Variants in CACNB4 observed in about 807,000 individuals in gnomAD.
The protein encoded by CACNB4 is calcium voltage-gated channel auxiliary subunit beta 4, also known as voltage-dependent L-type calcium channel subunit beta-4.
CACNB4 carries 32 observed loss-of-function variants against 71.2 expected under a neutral mutation model. The observed-to-expected ratio is 0.45, with a 90% confidence interval of 0.34 to 0.60. CACNB4 has a LOEUF of 0.60. Ranked by LOEUF, CACNB4 falls within the 20% of genes least tolerant of loss-of-function variation. The pLI, the probability that CACNB4 is intolerant of heterozygous loss-of-function variation, is 0.01. For missense variants in CACNB4, 464 were observed against 647.9 expected (o/e 0.72, Z 3.08); for synonymous variants, 231 against 236.9 (o/e 0.97, Z 0.23).
At chr2:152,070,870 C>T (rs1050355233) in intron 2 of CACNB4, among the ~76,000 whole-genome samples, 3 of 152,202 alleles carry the variant, frequency 2.0e-5, no homozygotes, top group Admixed American at 6.5e-5. Context: ...CGAGTTCAAG[C>T]GAGTCTCCTG....
intron 2 of CACNB4, among the ~76,000 whole-genome samples, chr2:152,009,181 C>A (rs1682908356): frequency 6.8e-6 from 1 of 146,940 alleles, no homozygotes. Flanking sequence ...ACAGTGAGAC[C>A]CTGTCTCAAA....
intron 5 of CACNB4, chr2:151,873,111 G>C (rs2099845056): frequency 3.3e-5 from 5 of 152,030 alleles, no homozygotes; most frequent in Admixed American, 3.3e-4. Context: ...ATAAAACTTT[G>C]AAAATGATAA....
intron 2 of CACNB4, among the ~76,000 whole-genome samples, chr2:151,934,487 T>C (rs2099862428): frequency 6.6e-6 from 1 of 152,204 alleles, no homozygotes; most frequent in African/African-American, 2.4e-5. Context: ...TTCAAAGACA[T>C]AAGTAACTCA....
intron 2 of CACNB4, among the ~76,000 whole-genome samples, chr2:151,932,699 G>A (rs550215446): frequency 1.2e-4 from 19 of 152,004 alleles, no homozygotes; most frequent in Admixed American, 3.3e-4. Flanking sequence ...GCGTGGTGGC[G>A]TGCAACTATA....
chr2:151,876,413 G>T lies in CACNB4; in HGVS notation c.521+13C>A. On this transcript the variant is annotated intron_variant, in intron 5 of 13. Transcript: ENST00000539935. The stretch of plus-strand genomic sequence containing the variant: ...TGACCAAAAAAAAGTGCATAGAAAA[G>T]ATGGGAACGTACCCTCCGTGAAAAC... The T allele has an allele frequency of 6.3e-7, 1 of 1,591,806 alleles. No homozygotes were observed. Among genetic ancestry groups the T allele is most frequent in the Non-Finnish European group, 8.6e-7 (1 of 1,167,330 alleles).
chr2:151,874,756 C>T (rs1454630456), intron 5 of CACNB4, among the ~76,000 whole-genome samples: 1 of 152,158 alleles, frequency 6.6e-6, no homozygotes, highest in African/African-American at 2.4e-5. Context: ...AAAAGTGTAA[C>T]ATATCAAATC....
intron 2 of CACNB4, chr2:151,973,574 G>T: frequency 2.6e-6 from 3 of 1,133,486 alleles, no homozygotes; most frequent in South Asian, 1.3e-5. Context: ...CATGTTCCCT[G>T]CGTTGCCTAA....
chr2:151,988,174 T>C (rs893504961), intron 2 of CACNB4, among the ~76,000 whole-genome samples: 7 of 152,212 alleles, frequency 4.6e-5, no homozygotes, highest in South Asian at 2.1e-4. Context: ...TATTTTTTTT[T>C]CTAAAGAAAA....
intron 2 of CACNB4, among the ~76,000 whole-genome samples, chr2:152,077,797 G>A (rs188542146): frequency 6.6e-6 from 1 of 152,270 alleles, no homozygotes; most frequent in Admixed American, 6.5e-5. Flanking sequence ...ACACGAAGAT[G>A]AAGTAAGAGA....
intron 12 of CACNB4, chr2:151,852,456 G>A (rs181225982): frequency 1.2e-4 from 18 of 152,278 alleles, no homozygotes; most frequent in South Asian, 4.1e-4. Flanking sequence ...CAGACATGAC[G>A]TCACACAAAG....
At chr2:152,010,190 G>GATA (rs1682976944) in intron 2 of CACNB4, among the ~76,000 whole-genome samples, 1 of 152,124 alleles carries the variant, frequency 6.6e-6, no homozygotes, top group Non-Finnish European at 1.5e-5. Flanking sequence ...ACACTTTGTT[G>GATA]ATATCAAAAT....
At chr2:152,092,086 T>G (rs1003412762) in intron 2 of CACNB4, among the ~76,000 whole-genome samples, 13 of 152,270 alleles carry the variant, frequency 8.5e-5, no homozygotes, top group Non-Finnish European at 1.8e-4. Context: ...AACAGTAGAG[T>G]CTGAGCCAGG....
chr2:151,973,727 T>C (rs762240045), intron 2 of CACNB4: 7 of 1,612,402 alleles, frequency 4.3e-6, no homozygotes, highest in Non-Finnish European at 5.1e-6. Context: ...GGTGTGATAA[T>C]CCAGAGCACC....
upstream of CACNB4, chr2:152,099,045 G>T: frequency 2.1e-6 from 3 of 1,463,002 alleles, no homozygotes; most frequent in Non-Finnish European, 1.8e-6. Flanking sequence ...GCCCGTGTGC[G>T]GTGGGCGGAG....
At chr2:152,029,842 T>C (rs933584246) in intron 2 of CACNB4, among the ~76,000 whole-genome samples, 2 of 152,216 alleles carry the variant, frequency 1.3e-5, no homozygotes, top group African/African-American at 2.4e-5. Context: ...AACCAGAACG[T>C]TGGCCTTTGG....
intron 2 of CACNB4, among the ~76,000 whole-genome samples, chr2:151,993,848 C>T (rs1681873301): frequency 6.7e-6 from 1 of 149,566 alleles, no homozygotes; most frequent in African/African-American, 2.4e-5. Flanking sequence ...CAGGCGTGAG[C>T]CACTGTGCCC....
At position 151,835,390 on chromosome 2, in the gene CACNB4, G is replaced by C. The variant is rs980134670; in HGVS notation, c.*3729C>G. On this transcript the variant is annotated 3_prime_UTR_variant, in exon 14 of 14. Coordinates refer to ENST00000539935, the MANE Select transcript of CACNB4 (RefSeq NM_000726.5). ...TCTATGTATTTAGCTTTGCAGCAAG[G>C]TTAGCCAGAATAGTGATAATTTTGA... 6.6e-6 allele frequency: 1 copy of C among 151,886 alleles called. No homozygotes were observed. Among genetic ancestry groups the C allele is most frequent in the Non-Finnish European group, 1.5e-5 (1 of 67,784 alleles). The allele number at this position is 151,886 out of a possible 1,614,324, so 9.4% of individuals were successfully genotyped here.
At chr2:152,085,733 C>T (rs1579271334) in intron 2 of CACNB4, among the ~76,000 whole-genome samples, 1 of 151,468 alleles carries the variant, frequency 6.6e-6, no homozygotes, top group Non-Finnish European at 1.5e-5. Context: ...ACAATAATGG[C>T]GGATGTTTTT....
chr2:152,072,774 G>A (rs1686770369), intron 2 of CACNB4, among the ~76,000 whole-genome samples: 1 of 151,178 alleles, frequency 6.6e-6, no homozygotes, highest in South Asian at 2.1e-4. Context: ...CCAAGTAGCT[G>A]GGACTACAGG....
Sources: gnomAD v4.1 joint callset for allele counts (sites outside exome capture counted in the v4.1 genomes callset) on GRCh38, gnomAD v4.1.1 for gene constraint, MANE v1.5 for transcripts, NCBI Gene and HGNC (gene_info 2026-07-23, HGNC 2026-07-21) for gene names.